Variants in CNMD observed in about 807,000 individuals in gnomAD.
The protein encoded by CNMD is leukocyte cell-derived chemotaxin 1.
Under a neutral mutation model 37.5 loss-of-function variants are expected in CNMD, and 30 were observed. The observed-to-expected ratio is 0.80, with a 90% CI of 0.60 to 1.09. The LOEUF (loss-of-function observed/expected upper bound fraction) is 1.09, where lower values mean the gene tolerates loss of function less well. CNMD is among the 50% of genes least tolerant of loss of function. CNMD has a pLI of 0.00. For synonymous variants in CNMD, 167 were observed against 148.2 expected, an observed-to-expected ratio of 1.13 and a Z score of -0.92; for missense variants, 398 against 423.9, an observed-to-expected ratio of 0.94 and a Z score of 0.54.
At chr13:52,715,856 G>A (rs1444674454) in intron 4 of CNMD, among the ~76,000 whole-genome samples, 1 of 152,118 alleles carries the variant, frequency 6.6e-6, no homozygotes, top group African/African-American at 2.4e-5. Flanking sequence ...TAATCCTTTA[G>A]GTATATACCC....
chr13:52,723,899 A>C (rs777410568), intron 4 of CNMD, 98 bp downstream of exon 4: 29 of 778,454 alleles, frequency 3.7e-5, no homozygotes, highest in Non-Finnish European at 6.2e-5. Flanking sequence ...TGTCTCAATA[A>C]AAATAAAAAT....
intron 3 of CNMD, among the ~76,000 whole-genome samples, chr13:52,727,535 G>C (rs1964595166): frequency 6.6e-6 from 1 of 152,084 alleles, no homozygotes; most frequent in African/African-American, 2.4e-5. Context: ...GTGGTGGTGT[G>C]TGCCTGTAGT....
At chr13:52,715,270 C>T (rs1964354062) in intron 4 of CNMD, among the ~76,000 whole-genome samples, 1 of 151,978 alleles carries the variant, frequency 6.6e-6, no homozygotes, top group Non-Finnish European at 1.5e-5. Context: ...TTTTTGTACC[C>T]ATTACCATCC....
chr13:52,712,771 C>T lies in CNMD; in HGVS notation c.567G>A (p.Val189=). Reference sequence around the variant, plus strand: ...TAGGAAGGTCACCGCAGAGTTCTAACACCTTAGAACTCAAGAAGCTGTTGT... The same window carrying T: ...TAGGAAGGTCACCGCAGAGTTCTAATACCTTAGAACTCAAGAAGCTGTTGT... ...VKDNSFLSSK[V]LELCGDLPIF... is the part of the protein sequence containing the mutation. Residue 189 remains valine, a synonymous_variant, in exon 5 of 7, where the codon GTG becomes GTA. Transcript: ENST00000377962. 6.3e-7 allele frequency: 1 copy of T among 1,585,618 alleles called. No homozygotes were observed. Among genetic ancestry groups the T allele is most frequent in the South Asian group, 1.2e-5 (1 of 84,100 alleles).
In CNMD at chr13:52,708,561, G is replaced by C; in HGVS notation, c.764C>G (p.Ala255Gly). ...TRPSVQEDSQ[A>G]FNPDNPYHQQ... ...ATGATAAGGATTATCAGGATTGAAG[G>C]CTTGTGAGTCCTCTTGAACACTGGG... Residue 255 changes from alanine to glycine, a missense_variant, in exon 6 of 7, where the codon GCC becomes GGC. Physicochemically the swap from Ala to Gly is moderately conservative, Grantham distance 60 (BLOSUM62 0). Coordinates refer to ENST00000377962, the MANE Select transcript of CNMD (RefSeq NM_007015.3). 6.2e-7 allele frequency: 1 copy of C among 1,612,762 alleles called. No homozygotes were observed. Among genetic ancestry groups the C allele is most frequent in the Non-Finnish European group, 8.5e-7 (1 of 1,179,684 alleles).
chr13:52,714,730 AGCAT>A (rs1406458520), intron 4 of CNMD, among the ~76,000 whole-genome samples: 2 of 152,156 alleles, frequency 1.3e-5, no homozygotes, highest in Non-Finnish European at 2.9e-5. Flanking sequence ...GACAATAATA[AGCAT>A]GTACAACAGG....
At chr13:52,711,976 C>T (rs1964296575) in intron 5 of CNMD, among the ~76,000 whole-genome samples, 1 of 152,134 alleles carries the variant, frequency 6.6e-6, no homozygotes, top group Non-Finnish European at 1.5e-5. Context: ...TTTCAGAAAA[C>T]AGCCTATCTC....
At chr13:52,718,698 T>C (rs113365681) in intron 4 of CNMD, among the ~76,000 whole-genome samples, 3 of 152,330 alleles carry the variant, frequency 2.0e-5, no homozygotes, top group African/African-American at 7.2e-5. Flanking sequence ...TGTACTGTGG[T>C]CTGAGAGACT....
intron 2 of CNMD, among the ~76,000 whole-genome samples, chr13:52,737,681 A>C (rs977005670): frequency 2.6e-5 from 4 of 152,242 alleles, no homozygotes; most frequent in African/African-American, 4.8e-5. Context: ...TTTGTTATTT[A>C]AAAGATAGCA....
At chr13:52,727,282 T>A (rs1025521549) in intron 3 of CNMD, among the ~76,000 whole-genome samples, 2 of 151,600 alleles carry the variant, frequency 1.3e-5, no homozygotes, top group African/African-American at 2.4e-5. Context: ...TAAAAAAAAA[T>A]GATTCAACAA....
rs1964857696 is a variant in CNMD, at chr13:52,739,805, G to A, written c.-104C>T. ...CATTTCAACGCCGCGCGCACACACG[G>A]TGCACGGTCCCGCCTGGGCCAGCCC... On this transcript the variant is annotated 5_prime_UTR_variant, in exon 1 of 7. Coordinates refer to ENST00000377962, the MANE Select transcript of CNMD (RefSeq NM_007015.3). The surrounding 1 kb of genome is among the most constrained non-coding windows in gnomAD (Gnocchi z 5.4). 2.0e-6 allele frequency: 2 copies of A among 987,838 alleles called. No homozygotes were observed. Among genetic ancestry groups the A allele is most frequent in the Non-Finnish European group, 1.6e-6 (1 of 637,052 alleles). The allele number at this position is 987,838 out of a possible 1,614,324, so 61.2% of individuals were successfully genotyped here.
intron 2 of CNMD, 115 bp from the exon 3 acceptor site, chr13:52,733,474 T>C: frequency 1.2e-6 from 1 of 860,840 alleles, no homozygotes; most frequent in East Asian, 2.4e-5. Context: ...CATGAGATAG[T>C]CCTTAATAAT....
Position 52,733,115 on chromosome 13 carries a change from C to T in CNMD, c.354+104G>A, listed in dbSNP as rs186794821. On this transcript the variant is annotated intron_variant, in intron 3 of 6. Transcript: ENST00000377962. The stretch of plus-strand genomic sequence containing the variant: ...GTGGCACTACAACTGCTATAAAGAA[C>T]AGTTACCATTTGGATGTGTGTGAGA... The T allele has an allele frequency of 8.9e-6, 10 of 1,122,644 alleles. No individual in the cohort carries two copies. The East Asian group carries it at 2.1e-4, about 24-fold the overall frequency. 69.5% of individuals were successfully genotyped at this position (1,122,644 alleles called of 1,614,324 possible).
intron 3 of CNMD, among the ~76,000 whole-genome samples, chr13:52,725,396 A>G (rs553421592): frequency 6.6e-6 from 1 of 152,226 alleles, no homozygotes; most frequent in South Asian, 2.1e-4. Flanking sequence ...CTGGTTCTGA[A>G]CTTTCCTTCT....
In CNMD at chr13:52,703,612, T is replaced by TA. The variant is rs769459626; in HGVS notation, c.987dup (p.Ile330TyrfsTer17). The TA allele has an allele frequency of 6.8e-6, 11 of 1,611,688 alleles. No homozygotes were observed. The highest frequency in any genetic ancestry group is 3.3e-5 in the Admixed American group (2 of 59,984). ...AAGTGATTTCACACCATGCCCAAGATACGGGCCACCCACCAGCTACATGGC... is the reference window on the plus strand; with the variant it reads ...AAGTGATTTCACACCATGCCCAAGATAACGGGCCACCCACCAGCTACATGGC... On this transcript the variant is annotated frameshift_variant, in exon 7 of 7. Coordinates refer to ENST00000377962, the MANE Select transcript of CNMD (RefSeq NM_007015.3). LOFTEE classifies it high-confidence loss of function.
At chr13:52,722,011 A>C (rs756221944) in intron 4 of CNMD, among the ~76,000 whole-genome samples, 1 of 152,120 alleles carries the variant, frequency 6.6e-6, no homozygotes, top group South Asian at 2.1e-4. Flanking sequence ...AAAAATGGTA[A>C]TGCAATAAGA....
At position 52,739,210 on chromosome 13, in the gene CNMD, C is replaced by G. The variant is rs1218241071; in HGVS notation, c.73-39G>C. ...CGGGAGAGGGACCGTCGCGTTTGTG[C>G]CGCCAGCACCTGCGGCCCCCAGCGC... On this transcript the variant is annotated intron_variant, in intron 1 of 6. Coordinates refer to ENST00000377962, the MANE Select transcript of CNMD (RefSeq NM_007015.3). The surrounding 1 kb of genome is among the most constrained non-coding windows in gnomAD (Gnocchi z 5.4). 1 of 1,438,520 alleles carries G rather than the reference C, an allele frequency of 7.0e-7. No homozygotes were observed. The allele number at this position is 1,438,520 out of a possible 1,614,324, so 89.1% of individuals were successfully genotyped here.
At chr13:52,709,299 C>T (rs1258098777) in intron 5 of CNMD, among the ~76,000 whole-genome samples, 1 of 152,094 alleles carries the variant, frequency 6.6e-6, no homozygotes, top group Non-Finnish European at 1.5e-5. Context: ...TTGATGGTAT[C>T]ATTGAGTAGC....
chr13:52,722,348 C>A (rs1281624646), intron 4 of CNMD, among the ~76,000 whole-genome samples: 1 of 152,170 alleles, frequency 6.6e-6, no homozygotes, highest in Non-Finnish European at 1.5e-5. Flanking sequence ...AGTTTCCAGG[C>A]GCCTTTGCTA....
Sources: allele counts gnomAD v4.1 joint callset (sites outside exome capture counted in the v4.1 genomes callset), GRCh38; gene constraint gnomAD v4.1.1; non-coding constraint Gnocchi (gnomAD v3.1); transcripts MANE v1.5; gene names NCBI Gene and HGNC (gene_info 2026-07-23, HGNC 2026-07-21).